The following RPS24 variants were observed in gnomAD, a reference collection of about 807,000 sequenced individuals.
RPS24 encodes the protein small ribosomal subunit protein eS24.
For missense variants in RPS24, 100 were observed against 162.5 expected (o/e 0.62, Z 2.09); for synonymous variants, 72 against 55.6 (o/e 1.30, Z -1.31).
In RPS24 at chr10:78,040,616, C is replaced by G. The variant is rs114512325; in HGVS notation, c.*21C>G. On this transcript the variant is annotated splice_region_variant and 3_prime_UTR_variant, in exon 6 of 6. Transcript: ENST00000372360. Reference sequence around the variant, plus strand: ...AAACTTCTTTCTCTTGATTCACAGCCGAAGGAGTAAAGGTGCTGCAATGAT... The same window carrying G: ...AAACTTCTTTCTCTTGATTCACAGCGGAAGGAGTAAAGGTGCTGCAATGAT... 3.7e-6 allele frequency: 6 copies of G among 1,612,868 alleles called. No individual in the cohort carries two copies. In the African/African-American group the frequency reaches 8.0e-5, roughly 22 times the overall value.
intron 4 of RPS24, chr10:78,049,170 C>T (rs1353725473): frequency 6.6e-6 from 1 of 152,150 alleles, no homozygotes; most frequent in East Asian, 1.9e-4. Context: ...GTTCACGCCA[C>T]CTCTGACAGC....
chr10:78,035,337 T>C lies in RPS24; in HGVS notation c.4-15T>C, dbSNP rs752431341. 4.3e-6 allele frequency: 7 copies of C among 1,612,858 alleles called. No individual in the cohort carries two copies. The highest frequency in any genetic ancestry group is 2.7e-5 in the African/African-American group (2 of 74,814). On this transcript the variant is annotated splice_polypyrimidine_tract_variant and intron_variant, in intron 1 of 5. Transcript: ENST00000372360. ...GTTGGAGTAGTTTTATTAACCAGAG[T>C]GTTTATGTTTTCAGAACGACACCGT... is the stretch of plus-strand genomic sequence containing the variant.
At chr10:78,043,793 CAT>C (rs372967289), downstream of RPS24, among the ~76,000 whole-genome samples, 43 of 152,280 alleles carry the variant, frequency 2.8e-4, no homozygotes, top group East Asian at 7.7e-3. Flanking sequence ...TTCCAGGAGA[CAT>C]ACAGCAGTCC....
In RPS24 at chr10:78,035,689, A is replaced by G. The variant is rs1028234788; in HGVS notation, c.248A>G (p.Lys83Arg). The G allele has an allele frequency of 6.2e-7, 1 of 1,602,480 alleles. No individual in the cohort carries two copies. The highest frequency in any genetic ancestry group is 1.3e-5 in the African/African-American group (1 of 75,042). ...GMIYDSLDYA[K>R]KNEPKHRLAR... ...ATTTATGATTCCCTGGATTATGCAAAGAAAAATGAACCCAAACATAGACTT... is the reference window on the plus strand; with the variant it reads ...ATTTATGATTCCCTGGATTATGCAAGGAAAAATGAACCCAAACATAGACTT... The change falls in exon 3 of 6, where the codon AAG (lysine) becomes AGG (arginine). Residue 83 changes from lysine to arginine, a missense_variant. By Grantham distance (26) the Lys-to-Arg change is conservative (BLOSUM62 2). Transcript: ENST00000372360.
downstream of RPS24, among the ~76,000 whole-genome samples, chr10:78,041,990 G>C (rs1354425795): frequency 6.6e-6 from 1 of 152,180 alleles, no homozygotes; most frequent in Non-Finnish European, 1.5e-5. Context: ...ATGAAACTCA[G>C]GCTTGGCCTA....
At position 78,037,491 on chromosome 10, in the gene RPS24, A is replaced by T. The variant is rs1847897767; in HGVS notation, c.390+187A>T. On this transcript the variant is annotated intron_variant, in intron 4 of 5. Coordinates refer to ENST00000372360, the MANE Select transcript of RPS24 (RefSeq NM_033022.4). Reference sequence around the variant, plus strand: ...AGCATAGTGTCTTAACACCTCAGTAAAGTAGCTTGGCCCACCCCTTGTCAG... The same window carrying T: ...AGCATAGTGTCTTAACACCTCAGTATAGTAGCTTGGCCCACCCCTTGTCAG... The T allele has an allele frequency of 3.1e-6, 3 of 969,716 alleles. No homozygotes were observed. The African/African-American group carries it at 5.0e-5, about 16-fold the overall frequency. The allele number at this position is 969,716 out of a possible 1,614,324, so 60.1% of individuals were successfully genotyped here.
At chr10:78,044,801 G>C (rs1208341209), downstream of RPS24, among the ~76,000 whole-genome samples, 2 of 150,076 alleles carry the variant, frequency 1.3e-5, no homozygotes, top group Non-Finnish European at 3.0e-5. Flanking sequence ...GATTTCACTT[G>C]TTCAGTGTTT....
In RPS24 at chr10:78,038,194, C is replaced by T. The variant is rs529656732; in HGVS notation, c.390+890C>T. 25 of 216,418 alleles carry T rather than the reference C, an allele frequency of 1.2e-4. No homozygotes were observed. The South Asian group carries it at 1.3e-3, about 12-fold the overall frequency. 13.4% of individuals were successfully genotyped at this position (216,418 alleles called of 1,614,324 possible). A position where few individuals can be genotyped will look rare whatever the true frequency, so the allele number is the denominator to read the frequency against. ...ATGTTTTAAGATAGTATATTATGAG[C>T]AAAGGAGAAAACGTTTAAAATCATG... On this transcript the variant is annotated intron_variant, in intron 4 of 5. Transcript: ENST00000372360.
At chr10:78,036,446 C>A (rs1489502025) in intron 3 of RPS24, 1 of 154,032 alleles carries the variant, frequency 6.5e-6, no homozygotes, top group Non-Finnish European at 1.4e-5. Flanking sequence ...GCTGGGATTA[C>A]AGGTGCGCAC....
downstream of RPS24, among the ~76,000 whole-genome samples, chr10:78,045,582 A>G (rs1433335811): frequency 6.6e-6 from 1 of 151,914 alleles, no homozygotes; most frequent in Non-Finnish European, 1.5e-5. Context: ...CCTGAGTTCA[A>G]GCGATTCTCC....
At chr10:78,042,831 G>T (rs1449791856), downstream of RPS24, among the ~76,000 whole-genome samples, 1 of 152,152 alleles carries the variant, frequency 6.6e-6, no homozygotes, top group South Asian at 2.1e-4. Flanking sequence ...GTAGCTGGAT[G>T]TGCCTATGTA....
In RPS24 at chr10:78,037,399, T is replaced by G. The variant is rs942874880; in HGVS notation, c.390+95T>G. 2.7e-6 allele frequency: 4 copies of G among 1,487,354 alleles called. No homozygotes were observed. In the African/African-American group the frequency reaches 4.3e-5, roughly 16 times the overall value. The allele number at this position is 1,487,354 out of a possible 1,614,324, so 92.1% of individuals were successfully genotyped here. A position where few individuals can be genotyped will look rare whatever the true frequency, so the allele number is the denominator to read the frequency against. The stretch of plus-strand genomic sequence containing the variant: ...TCTTATTAATTTTTAAAATAACTTT[T>G]CTTAATGTTTCTTCTTTTCCCTCTT... On this transcript the variant is annotated intron_variant, in intron 4 of 5. Coordinates refer to ENST00000372360, the MANE Select transcript of RPS24 (RefSeq NM_033022.4).
intron 4 of RPS24, 23 bp downstream of exon 4, chr10:78,037,327 T>A (rs574951162): frequency 1.3e-6 from 2 of 1,574,046 alleles, no homozygotes; most frequent in African/African-American, 2.7e-5. Context: ...AAGGAAAATA[T>A]AGAAACGTCA....
downstream of RPS24, among the ~76,000 whole-genome samples, chr10:78,044,342 A>T (rs1564631496): frequency 8.5e-5 from 13 of 152,090 alleles, no homozygotes. Flanking sequence ...CTGCAAGGGG[A>T]AGAGAGGATG....
intron 4 of RPS24, among the ~76,000 whole-genome samples, chr10:78,049,420 G>A (rs1237153312): frequency 6.6e-6 from 1 of 152,156 alleles, no homozygotes; most frequent in Non-Finnish European, 1.5e-5. Flanking sequence ...GCCTTCTGCT[G>A]CAAGTCTCTG....
At chr10:78,050,352 G>A (rs1848087177) in intron 4 of RPS24, among the ~76,000 whole-genome samples, 1 of 152,148 alleles carries the variant, frequency 6.6e-6, no homozygotes, top group African/African-American at 2.4e-5. Flanking sequence ...ACTTACCTGG[G>A]GCTGAGGAGC....
rs1261427789 is a variant in RPS24, at chr10:78,040,569, A to G, written c.*20-46A>G. On this transcript the variant is annotated intron_variant, in intron 5 of 5. Transcript: ENST00000372360. ...CTTTTGGAATTGAAGACTTTAAAGA[A>G]TTTTAAAGGCAGTTGTTGACTAAAC... 14 of 1,425,168 alleles carry G rather than the reference A, an allele frequency of 9.8e-6. No homozygotes were observed. In the East Asian group the frequency reaches 3.2e-4, roughly 32 times the overall value. 88.3% of individuals were successfully genotyped at this position (1,425,168 alleles called of 1,614,324 possible).
chr10:78,045,263 C>T (rs543448598), downstream of RPS24, among the ~76,000 whole-genome samples: 160 of 152,144 alleles, frequency 1.1e-3, no homozygotes, highest in African/African-American at 3.6e-3. Flanking sequence ...CTGGGATTAC[C>T]GTCGTGAGGC....
intron 2 of RPS24, 31 bp from the exon 3 acceptor site, chr10:78,035,480 A>G (rs773517279): frequency 6.8e-6 from 11 of 1,610,552 alleles, no homozygotes; most frequent in African/African-American, 1.3e-5. Context: ...ATTTTATCAT[A>G]CTGAATGCTA....
Sources: allele counts gnomAD v4.1 joint callset (sites outside exome capture counted in the v4.1 genomes callset), GRCh38; gene constraint gnomAD v4.1.1; transcripts MANE v1.5; gene names NCBI Gene and HGNC (gene_info 2026-07-23, HGNC 2026-07-21).